Variants in REPS2 observed in about 807,000 individuals in gnomAD.
The protein encoded by REPS2 is RALBP1 associated Eps domain containing 2.
REPS2 carries 23 observed loss-of-function variants against 53.6 expected under a neutral mutation model. That is an observed-to-expected ratio of 0.43 (90% CI 0.31 to 0.61). REPS2 has a LOEUF of 0.61. Among genes scored for constraint, REPS2 ranks in the 20% least tolerant of loss-of-function variants. The probability of loss-of-function intolerance (pLI) is 0.11; values close to 1 mark genes in which losing one functional copy is unlikely to be tolerated. For missense variants in REPS2, 446 were observed against 534.9 expected (o/e 0.83, Z 1.64); for synonymous variants, 238 against 218.6 (o/e 1.09, Z -0.78).
chrX:16,993,137 T>A (rs2061183358), intron 1 of REPS2, among the ~76,000 whole-genome samples: 1 of 112,142 alleles, frequency 8.9e-6, no homozygotes, highest in Admixed American at 9.5e-5. Context: ...GTGTGTTTAT[T>A]GCTTCTAGTT....
At chrX:16,976,371 G>A (rs897606223) in intron 1 of REPS2, among the ~76,000 whole-genome samples, 1 of 110,777 alleles carries the variant, frequency 9.0e-6, no homozygotes, top group African/African-American at 3.3e-5. Flanking sequence ...GAGGGGGTGA[G>A]TACAAAGAGA....
Position 17,096,085 on chromosome X carries a change from G to T in REPS2, c.1517-7633G>T, listed in dbSNP as rs185408948. 1.6e-4 allele frequency among the ~76,000 whole-genome samples: 18 copies of T among 111,798 alleles called. No homozygotes were observed. The East Asian group carries it at 5.1e-3, about 32-fold the overall frequency. ...GGATAGGACATTTAATAAAACGTTG[G>T]GTCATACACAAGAAACAAGGAATTT... On this transcript the variant is annotated intron_variant, in intron 13 of 17. Transcript: ENST00000357277.
chrX:17,062,729 AT>A (rs758580980), intron 9 of REPS2, among the ~76,000 whole-genome samples, 197 bp downstream of exon 9: 5 of 111,800 alleles, frequency 4.5e-5, no homozygotes, highest in African/African-American at 1.6e-4. Flanking sequence ...TGTATCTATA[AT>A]TTTTTTCCCT....
chrX:17,170,171 A>G, the REPS2 span, among the ~76,000 whole-genome samples: 1 of 112,699 alleles, frequency 8.9e-6, no homozygotes, highest in African/African-American at 3.2e-5. Flanking sequence ...TGAGTTGGGT[A>G]TTGTACACCT....
chrX:17,133,547 G>A (rs989245084), intron 14 of REPS2, among the ~76,000 whole-genome samples: 1 of 111,857 alleles, frequency 8.9e-6, no homozygotes, highest in African/African-American at 3.3e-5. Context: ...TTGTTGTTGC[G>A]AAGCATTAGT....
chrX:17,132,951 A>G (rs964362137), intron 14 of REPS2, among the ~76,000 whole-genome samples: 3 of 112,486 alleles, frequency 2.7e-5, no homozygotes, highest in Non-Finnish European at 5.6e-5. Flanking sequence ...CTGCATTTTT[A>G]TAAAACTTAA....
At chrX:17,195,818 A>G in the REPS2 span, among the ~76,000 whole-genome samples, 1 of 112,682 alleles carries the variant, frequency 8.9e-6, no homozygotes, top group Non-Finnish European at 1.9e-5. Flanking sequence ...TCCTCTCTTG[A>G]TAACAATAAT....
intron 1 of REPS2, among the ~76,000 whole-genome samples, chrX:16,947,642 A>G (rs1015205124): frequency 3.6e-5 from 4 of 112,147 alleles, no homozygotes; most frequent in African/African-American, 1.3e-4. Context: ...AGTATCTACT[A>G]TATGTAATTG....
intron 14 of REPS2, among the ~76,000 whole-genome samples, chrX:17,108,083 G>A (rs1206639023): frequency 9.1e-6 from 1 of 110,225 alleles, no homozygotes; most frequent in Non-Finnish European, 1.9e-5. Flanking sequence ...CCGGCCTAGA[G>A]CAGTGTTAAA....
chrX:17,061,505 G>A (rs1347420696), intron 8 of REPS2, among the ~76,000 whole-genome samples: 1 of 112,155 alleles, frequency 8.9e-6, no homozygotes, highest in Admixed American at 9.4e-5. Context: ...GGGAGGGTGG[G>A]GAAGGATTAA....
chrX:17,111,752 A>G (rs1334014416), intron 14 of REPS2, among the ~76,000 whole-genome samples: 1 of 111,689 alleles, frequency 9.0e-6, no homozygotes, highest in African/African-American at 3.3e-5. Context: ...AGTCTCATGG[A>G]CCTATCGCCC....
At chrX:17,048,136 A>G (rs1035540003) in intron 6 of REPS2, among the ~76,000 whole-genome samples, 1 of 112,957 alleles carries the variant, frequency 8.9e-6, no homozygotes, top group South Asian at 3.6e-4. Context: ...AGAAAAATTC[A>G]TAAAGCTTTC....
intron 4 of REPS2, among the ~76,000 whole-genome samples, chrX:17,028,536 G>A (rs1221864164): frequency 8.9e-6 from 1 of 111,996 alleles, no homozygotes; most frequent in Non-Finnish European, 1.9e-5. Context: ...TTTAATGTGT[G>A]TTAATGTATT....
chrX:17,040,623 G>A (rs960209906), intron 5 of REPS2, among the ~76,000 whole-genome samples: 3 of 111,978 alleles, frequency 2.7e-5, no homozygotes, highest in African/African-American at 9.7e-5. Context: ...GCTAAGCTCT[G>A]TCTCCTTTTC....
chrX:16,998,334 A>G (rs1415024976), intron 1 of REPS2, among the ~76,000 whole-genome samples: 3 of 112,164 alleles, frequency 2.7e-5, no homozygotes, highest in Non-Finnish European at 5.6e-5. Context: ...ACTGTGTCCT[A>G]GCCACCTTGT....
rs763425518 is a variant in REPS2, at chrX:17,052,516, A to G, written c.971+71A>G. ...CTCATCCTTTAGTTCCTACCTTTGC[A>G]TTTTTTAAAGGCTTATGTTTTGAAT... On this transcript the variant is annotated intron_variant, in intron 7 of 17. Transcript: ENST00000357277. 2.9e-5 allele frequency: 24 copies of G among 825,616 alleles called. No individual in the cohort carries two copies. The South Asian group carries it at 6.1e-4, about 21-fold the overall frequency. 68.0% of individuals were successfully genotyped at this position (825,616 alleles called of 1,213,427 possible).
chrX:17,079,932 G>A (rs1380092395), intron 13 of REPS2, among the ~76,000 whole-genome samples: 2 of 112,040 alleles, frequency 1.8e-5, no homozygotes, highest in African/African-American at 6.5e-5. Flanking sequence ...TTATCGAAAT[G>A]CTGACAAACT....
the REPS2 span, among the ~76,000 whole-genome samples, chrX:17,189,101 CA>C: frequency 1.8e-5 from 2 of 111,086 alleles, no homozygotes; most frequent in Non-Finnish European, 3.8e-5. Context: ...GAAATATAAA[CA>C]TACTGAAAGT....
At chrX:16,983,008 C>A (rs1472784775) in intron 1 of REPS2, among the ~76,000 whole-genome samples, 1 of 112,203 alleles carries the variant, frequency 8.9e-6, no homozygotes, top group Non-Finnish European at 1.9e-5. Flanking sequence ...TTTTGGTTAT[C>A]ACACATGGGG....
Sources: allele counts gnomAD v4.1 joint callset (sites outside exome capture counted in the v4.1 genomes callset), GRCh38; gene constraint gnomAD v4.1.1; transcripts MANE v1.5; gene names NCBI Gene and HGNC (gene_info 2026-07-23, HGNC 2026-07-21).